The following ESR2 variants were observed in gnomAD, a reference collection of about 807,000 sequenced individuals.
The protein encoded by ESR2 is estrogen receptor 2.
In ESR2, 36 loss-of-function variants were observed where a neutral mutation model predicts 49.6. The ratio of observed to expected loss-of-function variants is 0.73; its 90% CI spans 0.56 to 0.96. The LOEUF (loss-of-function observed/expected upper bound fraction) is 0.96. Ranked by LOEUF, ESR2 falls within the 40% of genes least tolerant of loss-of-function variation. The probability of loss-of-function intolerance (pLI) is 0.00; values close to 1 mark genes in which losing one functional copy is unlikely to be tolerated. For synonymous variants in ESR2, 320 were observed against 266.1 expected (o/e 1.20, Z -1.97); for missense variants, 714 against 693.0 (o/e 1.03, Z -0.34).
intron 4 of ESR2, among the ~76,000 whole-genome samples, chr14:64,268,276 A>T (rs2076371552): frequency 6.6e-6 from 1 of 152,220 alleles, no homozygotes; most frequent in South Asian, 2.1e-4. Context: ...TACTTTTCAT[A>T]GTTCCATTAT....
chr14:64,253,957 TAGAC>T (rs939957900), intron 6 of ESR2, among the ~76,000 whole-genome samples: 12 of 152,116 alleles, frequency 7.9e-5, no homozygotes, highest in African/African-American at 2.9e-4. Flanking sequence ...TTTGAGCAAT[TAGAC>T]AGTCAGGTTC....
intron 7 of ESR2, among the ~76,000 whole-genome samples, chr14:64,239,874 A>G (rs1006972810): frequency 2.6e-5 from 4 of 152,214 alleles, no homozygotes; most frequent in African/African-American, 9.6e-5. Context: ...TTGCCTCCCC[A>G]AGAGAGAAAT....
At chr14:64,265,176 A>G (rs1295449338) in intron 4 of ESR2, among the ~76,000 whole-genome samples, 1 of 152,184 alleles carries the variant, frequency 6.6e-6, no homozygotes, top group Non-Finnish European at 1.5e-5. Context: ...ACTGTAACCT[A>G]GGCAGCTGCC....
chr14:64,234,818 T>C, intron 8 of ESR2, 152 bp downstream of exon 8: 1 of 1,437,060 alleles, frequency 7.0e-7, no homozygotes, highest in Non-Finnish European at 9.2e-7. Context: ...TGCCCATCTT[T>C]GCTTACAGGT....
intron 2 of ESR2, 39 bp from the exon 3 acceptor site, chr14:64,280,192 A>G (rs371284708): frequency 1.4e-6 from 2 of 1,447,554 alleles, no homozygotes; most frequent in South Asian, 1.2e-5. Context: ...CAGAGCATAA[A>G]AGGGAAAGGA....
chr14:64,307,486 T>A lies in ESR2; in HGVS notation c.-90-24411A>T, dbSNP rs896792925. Among the ~76,000 whole-genome samples, 59 of 152,190 alleles carry A rather than the reference T, an allele frequency of 3.9e-4. 1 individual carries two copies. Among genetic ancestry groups the A allele is most frequent in the African/African-American group, 1.3e-3 (56 of 41,532 alleles). On this transcript the variant is annotated intron_variant, in intron 1 of 8. Coordinates refer to the ESR2 transcript ENST00000358599. ...CCTCAGCCTTCCAAAGTGCTGGAAT[T>A]ACAGGCATGAGCCACCACACCGGTC...
upstream of ESR2, among the ~76,000 whole-genome samples, chr14:64,294,797 C>A (rs1459573391): frequency 6.6e-6 from 1 of 152,238 alleles, no homozygotes; most frequent in Non-Finnish European, 1.5e-5. Flanking sequence ...TCCCCAGCAG[C>A]AAACGTAACC....
chr14:64,250,253 C>T (rs933780183), intron 6 of ESR2, among the ~76,000 whole-genome samples: 28 of 152,112 alleles, frequency 1.8e-4, no homozygotes, highest in Middle Eastern at 3.4e-3. Context: ...AGAAAGAAAT[C>T]GCAATTAGAG....
At chr14:64,320,827 G>A (rs1392491398) in intron 1 of ESR2, among the ~76,000 whole-genome samples, 14 of 152,064 alleles carry the variant, frequency 9.2e-5, no homozygotes, top group South Asian at 4.1e-4. Flanking sequence ...CCCAGGAGGC[G>A]GAGGTTGCAG....
At chr14:64,258,116 G>T (rs7156924) in intron 5 of ESR2, among the ~76,000 whole-genome samples, 61,085 of 151,804 alleles carry the variant, frequency 0.4, 12,528 homozygotes, top group Non-Finnish European at 0.44. Flanking sequence ...GGCTGAAGTG[G>T]GATGATCGCC....
chr14:64,295,119 A>C (rs1243820409), upstream of ESR2, among the ~76,000 whole-genome samples: 1 of 152,240 alleles, frequency 6.6e-6, no homozygotes, highest in East Asian at 1.9e-4. Context: ...CTAGGACCAC[A>C]GTCTTAACTG....
intron 1 of ESR2, among the ~76,000 whole-genome samples, chr14:64,299,972 T>TA (rs1042679608): frequency 2.6e-5 from 4 of 152,314 alleles, no homozygotes; most frequent in African/African-American, 9.6e-5. Flanking sequence ...GCAGTTTAGC[T>TA]AACTAGCTTC....
intron 1 of ESR2, among the ~76,000 whole-genome samples, chr14:64,308,121 C>G (rs1190299062): frequency 1.3e-5 from 2 of 151,870 alleles, no homozygotes; most frequent in African/African-American, 4.8e-5. Flanking sequence ...CTCAAGCCAC[C>G]CTCCCACCTC....
intron 8 of ESR2, 84 bp from the exon 9 acceptor site, chr14:64,233,407 G>A: frequency 7.2e-7 from 1 of 1,388,090 alleles, no homozygotes; most frequent in Non-Finnish European, 1.0e-6. Context: ...TCTTTGCTCA[G>A]AGCCAGTCTA....
chr14:64,331,839 A>G (rs971385792), intron 1 of ESR2, among the ~76,000 whole-genome samples: 4 of 151,390 alleles, frequency 2.6e-5, no homozygotes, highest in Admixed American at 1.3e-4. Flanking sequence ...AAAAAAAAAA[A>G]AAAAAGAATC....
At chr14:64,265,705 C>T (rs983013863) in intron 4 of ESR2, among the ~76,000 whole-genome samples, 1 of 152,104 alleles carries the variant, frequency 6.6e-6, no homozygotes, top group Non-Finnish European at 1.5e-5. Flanking sequence ...AAGTTTCATC[C>T]ATAAAGTTAG....
At chr14:64,299,718 T>G (rs1283817415) in intron 1 of ESR2, among the ~76,000 whole-genome samples, 2 of 152,194 alleles carry the variant, frequency 1.3e-5, no homozygotes, top group Admixed American at 6.6e-5. Flanking sequence ...AGCGTGCTTC[T>G]TTCACATATG....
chr14:64,234,867 C>A (rs1287464486), intron 8 of ESR2, 103 bp downstream of exon 8: 1 of 1,532,334 alleles, frequency 6.5e-7, no homozygotes, highest in East Asian at 2.3e-5. Flanking sequence ...TTCAGGCATT[C>A]ATTTTCCTTA....
rs2140605380 is a variant in ESR2, at chr14:64,232,999, A to G, written c.*138T>C. On this transcript the variant is annotated 3_prime_UTR_variant, in exon 9 of 9. Transcript: ENST00000341099. ...TCCTGAGAGTTGGGAAGGTGGAGGG[A>G]AGGATGGTACATGACCAAGCCTGCC... The G allele has an allele frequency of 7.1e-7, 1 of 1,411,170 alleles. No individual in the cohort carries two copies. Among genetic ancestry groups the G allele is most frequent in the Non-Finnish European group, 9.3e-7 (1 of 1,080,896 alleles). The allele number at this position is 1,411,170 out of a possible 1,614,324, so 87.4% of individuals were successfully genotyped here.
Sources: gnomAD v4.1 joint callset for allele counts (sites outside exome capture counted in the v4.1 genomes callset) on GRCh38, gnomAD v4.1.1 for gene constraint, MANE v1.5 for transcripts, NCBI Gene and HGNC (gene_info 2026-07-23, HGNC 2026-07-21) for gene names.